Variants in SNX29 observed in about 807,000 individuals in gnomAD.
The protein encoded by SNX29 is sorting nexin-29.
A neutral mutation model predicts 102.1 loss-of-function variants in SNX29; 78 were observed. The ratio of observed to expected loss-of-function variants is 0.76; its 90% CI spans 0.64 to 0.92. SNX29 has a LOEUF of 0.92. Ranked by LOEUF, SNX29 falls within the 40% of genes least tolerant of loss-of-function variation. The pLI is 0.00. For synonymous variants in SNX29, 580 were observed against 414.5 expected (o/e 1.40, Z -4.85); for missense variants, 1,280 against 1,061.7 (o/e 1.21, Z -2.86).
chr16:12,203,034 C>T (rs878939745), intron 14 of SNX29, among the ~76,000 whole-genome samples: 15 of 133,586 alleles, frequency 1.1e-4, no homozygotes, highest in East Asian at 7.4e-4. Flanking sequence ...AGTTGCGTAG[C>T]ATGGCCCTGC....
chr16:12,565,807 C>A lies in SNX29; in HGVS notation c.2319-2699C>A, dbSNP rs541032622. Among the ~76,000 whole-genome samples the A allele has an allele frequency of 1.1e-4, 17 of 152,322 alleles. No individual in the cohort carries two copies. The South Asian group carries it at 3.5e-3, about 32-fold the overall frequency. Reference sequence around the variant, plus strand: ...CTAGAGGGCCCTTTACACAGCAACCCTCAGCTCACTTCTGGTCACCCTCCA... The same window carrying A: ...CTAGAGGGCCCTTTACACAGCAACCATCAGCTCACTTCTGGTCACCCTCCA... On this transcript the variant is annotated intron_variant, in intron 20 of 20. Transcript: ENST00000566228.
chr16:12,050,967 C>T (rs1189542764), intron 7 of SNX29, among the ~76,000 whole-genome samples: 14 of 152,074 alleles, frequency 9.2e-5, no homozygotes, highest in South Asian at 4.1e-4. Flanking sequence ...GTGATCCACC[C>T]GCCTTGACCT....
chr16:12,223,191 C>T (rs78820590), intron 14 of SNX29, among the ~76,000 whole-genome samples: 3,584 of 152,140 alleles, frequency 0.024, 87 homozygotes, highest in African/African-American at 0.064. Flanking sequence ...AGTTACATAC[C>T]CTCCCTGGGC....
intron 15 of SNX29, among the ~76,000 whole-genome samples, chr16:12,309,013 C>T (rs2080442582): frequency 1.3e-5 from 2 of 152,198 alleles, no homozygotes; most frequent in South Asian, 2.1e-4. Context: ...AAGGAAACCT[C>T]ACTTTGAGAG....
chr16:12,512,159 G>A (rs2089649423), intron 19 of SNX29, among the ~76,000 whole-genome samples: 1 of 151,430 alleles, frequency 6.6e-6, no homozygotes, highest in African/African-American at 2.4e-5. Context: ...AGGGGATGTA[G>A]GGAGGCATTT....
intron 15 of SNX29, among the ~76,000 whole-genome samples, chr16:12,346,003 C>T (rs140889490): frequency 1.3e-4 from 20 of 152,314 alleles, no homozygotes; most frequent in African/African-American, 3.6e-4. Flanking sequence ...CCCACTCCCC[C>T]CTCCCCACCG....
intron 14 of SNX29, among the ~76,000 whole-genome samples, chr16:12,260,574 C>T (rs2078704091): frequency 6.6e-6 from 1 of 152,220 alleles, no homozygotes; most frequent in Non-Finnish European, 1.5e-5. Context: ...GGGGTGGGGG[C>T]ATCCATGTCC....
At chr16:12,297,020 A>G (rs543802885) in intron 15 of SNX29, among the ~76,000 whole-genome samples, 25 of 152,344 alleles carry the variant, frequency 1.6e-4, no homozygotes, top group Admixed American at 9.1e-4. Flanking sequence ...GATAATCACA[A>G]ATGTCTCCAG....
At chr16:12,439,954 C>T (rs1303901164) in intron 18 of SNX29, among the ~76,000 whole-genome samples, 1 of 152,212 alleles carries the variant, frequency 6.6e-6, no homozygotes, top group Non-Finnish European at 1.5e-5. Flanking sequence ...AACCGTCCAG[C>T]TGGTGTGTGG....
In SNX29 at chr16:12,568,659, T is replaced by G. The variant is rs1433522965; in HGVS notation, c.*30T>G. The G allele has an allele frequency of 1.3e-6, 2 of 1,596,974 alleles. No homozygotes were observed. Among genetic ancestry groups the G allele is most frequent in the Non-Finnish European group, 1.7e-6 (2 of 1,178,246 alleles). On this transcript the variant is annotated 3_prime_UTR_variant, in exon 21 of 21. Coordinates refer to ENST00000566228, the MANE Select transcript of SNX29 (RefSeq NM_032167.5). ...GACAAAACCGCAGCCACGGGCCCTGTGCGTGGCACCAGCTGCGTCCACCCC... is the reference window on the plus strand; with the variant it reads ...GACAAAACCGCAGCCACGGGCCCTGGGCGTGGCACCAGCTGCGTCCACCCC...
chr16:12,336,646 T>C (rs1260108251), intron 15 of SNX29, among the ~76,000 whole-genome samples: 1 of 152,176 alleles, frequency 6.6e-6, no homozygotes, highest in Non-Finnish European at 1.5e-5. Context: ...AACATCAAGG[T>C]ATGAGAGAAC....
rs149780078 is a variant in SNX29, at chr16:12,288,476, C to T, written c.1782+10440C>T. 3.9e-4 allele frequency among the ~76,000 whole-genome samples: 59 copies of T among 152,270 alleles called. No individual in the cohort carries two copies. The East Asian group carries it at 9.1e-3, about 23-fold the overall frequency. On this transcript the variant is annotated intron_variant, in intron 15 of 20. Coordinates refer to ENST00000566228, the MANE Select transcript of SNX29 (RefSeq NM_032167.5). The stretch of plus-strand genomic sequence containing the variant: ...TCACCCTGCTCTGCAGCAGCAGTCC[C>T]GGAGCTGTAACTCCACTGGAGCTGT...
At chr16:11,985,602 C>G (rs1276878762) in intron 1 of SNX29, among the ~76,000 whole-genome samples, 2 of 152,212 alleles carry the variant, frequency 1.3e-5, no homozygotes, top group African/African-American at 4.8e-5. Flanking sequence ...CATCCTGCAA[C>G]CCATCACTGT....
intron 14 of SNX29, among the ~76,000 whole-genome samples, chr16:12,241,544 C>T (rs1426672941): frequency 5.3e-5 from 8 of 152,032 alleles, no homozygotes; most frequent in African/African-American, 1.9e-4. Context: ...ACTGCAACCT[C>T]CACCTCCTGG....
chr16:12,537,480 T>C (rs1031784603), intron 20 of SNX29, among the ~76,000 whole-genome samples: 1 of 117,542 alleles, frequency 8.5e-6, no homozygotes, highest in African/African-American at 2.7e-5. Context: ...ATCTATAAAA[T>C]TGGTGATAGT....
chr16:12,212,630 T>C (rs566452057), intron 14 of SNX29, among the ~76,000 whole-genome samples: 10 of 152,348 alleles, frequency 6.6e-5, no homozygotes, highest in African/African-American at 1.9e-4. Context: ...AGGCCGTTTG[T>C]ATATCTTCTT....
intron 3 of SNX29, among the ~76,000 whole-genome samples, chr16:12,015,214 A>G (rs996099451): frequency 1.3e-5 from 2 of 152,002 alleles, no homozygotes; most frequent in Non-Finnish European, 2.9e-5. Flanking sequence ...GTACTCCTGC[A>G]CTGAAACATT....
intron 15 of SNX29, among the ~76,000 whole-genome samples, chr16:12,347,092 A>G (rs1041989844): frequency 2.6e-5 from 4 of 152,292 alleles, no homozygotes; most frequent in East Asian, 3.9e-4. Context: ...ACCTCTTGCT[A>G]TCTCAGTGTT....
rs931399734 is a variant in SNX29 at position 12,524,747 on chromosome 16, C to G, written c.2224C>G (p.Leu742Val). ...EERRKQLQNY[L>V]RSVMNKVIQM... ...ACGGAGAAAGCAGCTCCAGAATTACCTGCGCAGCGTCATGAACAAAGTCAT... is the reference window on the plus strand; with the variant it reads ...ACGGAGAAAGCAGCTCCAGAATTACGTGCGCAGCGTCATGAACAAAGTCAT... Residue 742 changes from leucine (L) to valine (V), a missense_variant, in exon 20 of 21, where the codon CTG becomes GTG. By Grantham distance (32) the Leu-to-Val change is conservative. Transcript: ENST00000566228. The G allele has an allele frequency of 6.2e-7, 1 of 1,613,576 alleles. No homozygotes were observed. Among genetic ancestry groups the G allele is most frequent in the South Asian group, 1.1e-5 (1 of 91,038 alleles).
Sources: gnomAD v4.1 joint callset for allele counts (sites outside exome capture counted in the v4.1 genomes callset) on GRCh38, gnomAD v4.1.1 for gene constraint, MANE v1.5 for transcripts, NCBI Gene and HGNC (gene_info 2026-07-23, HGNC 2026-07-21) for gene names.